Variants in TNNI3K observed in about 807,000 individuals in gnomAD.
TNNI3K encodes the protein TNNI3 interacting kinase.
TNNI3K carries 140 observed loss-of-function variants against 114.5 expected under a neutral mutation model. The ratio of observed to expected loss-of-function variants is 1.22; its 90% CI spans 1.07 to 1.41. The LOEUF is 1.41. Ranked by LOEUF, TNNI3K falls within the 40% of genes most tolerant of loss-of-function variation. TNNI3K has a pLI of 0.00. For synonymous variants in TNNI3K, 347 were observed against 347.5 expected (o/e 1.00, Z 0.02); for missense variants, 1,125 against 1,007.6 (o/e 1.12, Z -1.58).
At chr1:74,492,745 A>G (rs966575544) in intron 23 of TNNI3K, among the ~76,000 whole-genome samples, 8 of 152,246 alleles carry the variant, frequency 5.3e-5, no homozygotes, top group Non-Finnish European at 7.3e-5. Flanking sequence ...ATTTATAATA[A>G]CCAAAAGGTG....
intron 5 of TNNI3K, among the ~76,000 whole-genome samples, chr1:74,309,293 C>T (rs957333386): frequency 1.4e-4 from 19 of 133,838 alleles, no homozygotes; most frequent in Non-Finnish European, 3.1e-5. Flanking sequence ...GCGTGAACCC[C>T]AGGGGGCGGA....
chr1:74,263,016 A>G (rs1557459103), intron 4 of TNNI3K, among the ~76,000 whole-genome samples: 1 of 152,088 alleles, frequency 6.6e-6, no homozygotes, highest in Non-Finnish European at 1.5e-5. Context: ...TTTAAGGATG[A>G]CATAAATAAA....
intron 5 of TNNI3K, among the ~76,000 whole-genome samples, chr1:74,319,578 T>G (rs1465927637): frequency 6.6e-6 from 1 of 152,182 alleles, no homozygotes; most frequent in Non-Finnish European, 1.5e-5. Context: ...AAACTTAGCA[T>G]GATGCTATAC....
intron 21 of TNNI3K, chr1:74,483,346 A>T (rs1232519661): frequency 1.4e-6 from 1 of 717,352 alleles, no homozygotes; most frequent in African/African-American, 1.7e-5. Context: ...ACCAACCGCA[A>T]CATGATGGCA....
intron 9 of TNNI3K, among the ~76,000 whole-genome samples, chr1:74,352,965 A>C (rs1178850261): frequency 6.6e-6 from 1 of 151,982 alleles, no homozygotes; most frequent in Non-Finnish European, 1.5e-5. Flanking sequence ...GGTGCGCTTC[A>C]CCCACTGTCC....
At chr1:74,386,077 C>T (rs182326344) in intron 17 of TNNI3K, among the ~76,000 whole-genome samples, 2 of 152,288 alleles carry the variant, frequency 1.3e-5, no homozygotes, top group Non-Finnish European at 2.9e-5. Flanking sequence ...AAAGGGAGTT[C>T]CACTGTACAC....
chr1:74,521,231 C>T (rs1646427753), intron 23 of TNNI3K, among the ~76,000 whole-genome samples: 1 of 152,122 alleles, frequency 6.6e-6, no homozygotes, highest in Admixed American at 6.5e-5. Context: ...CACATTGTGG[C>T]ACTGCCATTT....
intron 5 of TNNI3K, among the ~76,000 whole-genome samples, chr1:74,295,455 C>T (rs1467815904): frequency 1.3e-5 from 2 of 152,120 alleles, no homozygotes; most frequent in African/African-American, 2.4e-5. Flanking sequence ...GCTTTAAACT[C>T]TCCCACTATA....
intron 2 of TNNI3K, 148 bp from the exon 3 acceptor site, chr1:74,249,311 T>C: frequency 1.3e-6 from 1 of 754,058 alleles, no homozygotes; most frequent in Non-Finnish European, 2.1e-6. Flanking sequence ...ATATAGAGGG[T>C]TCAAGATTCT....
chr1:74,276,584 C>G (rs766957195), intron 5 of TNNI3K, among the ~76,000 whole-genome samples: 25 of 152,042 alleles, frequency 1.6e-4, no homozygotes, highest in South Asian at 4.1e-4. Context: ...TATTCCACTC[C>G]TATTTTTTAT....
intron 17 of TNNI3K, among the ~76,000 whole-genome samples, chr1:74,385,235 A>G (rs1376842995): frequency 6.6e-6 from 1 of 152,188 alleles, no homozygotes; most frequent in Non-Finnish European, 1.5e-5. Context: ...GGGCTGAGGT[A>G]TAAGAAAGGA....
intron 2 of TNNI3K, among the ~76,000 whole-genome samples, chr1:74,248,477 ATAAG>A (rs1180504999): frequency 6.6e-6 from 1 of 152,226 alleles, no homozygotes; most frequent in Non-Finnish European, 1.5e-5. Context: ...GTGGTGAGGA[ATAAG>A]TAAGATTAAG....
chr1:74,404,138 G>T (rs1664501234), intron 17 of TNNI3K, among the ~76,000 whole-genome samples: 2 of 152,086 alleles, frequency 1.3e-5, no homozygotes, highest in Non-Finnish European at 2.9e-5. Context: ...GAGGTAATGT[G>T]TATCTGAGTC....
chr1:74,291,866 A>G (rs1361002352), intron 5 of TNNI3K, among the ~76,000 whole-genome samples: 1 of 151,476 alleles, frequency 6.6e-6, no homozygotes, highest in Non-Finnish European at 1.5e-5. Flanking sequence ...ATTTTTTGAC[A>G]TGTTCAATTG....
chr1:74,489,530 A>C (rs1668942767), intron 22 of TNNI3K, among the ~76,000 whole-genome samples: 1 of 152,254 alleles, frequency 6.6e-6, no homozygotes, highest in South Asian at 2.1e-4. Flanking sequence ...AAAATTGGAA[A>C]GTATAACAAA....
intron 23 of TNNI3K, among the ~76,000 whole-genome samples, chr1:74,493,552 T>C (rs970732038): frequency 1.3e-5 from 2 of 152,254 alleles, no homozygotes; most frequent in Non-Finnish European, 2.9e-5. Context: ...ATCTGTCATA[T>C]AATGCTATAA....
At chr1:74,236,009 A>G in intron 1 of TNNI3K, 93 bp from the exon 2 acceptor site, 1 of 866,486 alleles carries the variant, frequency 1.2e-6, no homozygotes, top group South Asian at 1.8e-5. Context: ...AATCTAGAAT[A>G]AAAAACAGTT....
At chr1:74,287,600 A>T (rs1218647613) in intron 5 of TNNI3K, among the ~76,000 whole-genome samples, 1 of 152,202 alleles carries the variant, frequency 6.6e-6, no homozygotes, top group Non-Finnish European at 1.5e-5. Flanking sequence ...CTAAAGACTT[A>T]AATGTTAAGG....
chr1:74,263,938 C>A (rs180855074), intron 4 of TNNI3K, among the ~76,000 whole-genome samples: 1 of 151,912 alleles, frequency 6.6e-6, no homozygotes. Flanking sequence ...CGCCCCACTG[C>A]AATAGGTAGA....
Sources: allele counts gnomAD v4.1 joint callset (sites outside exome capture counted in the v4.1 genomes callset), GRCh38; gene constraint gnomAD v4.1.1; transcripts MANE v1.5; gene names NCBI Gene and HGNC (gene_info 2026-07-23, HGNC 2026-07-21).